CMPK1: variants seen among roughly 807,000 people sequenced by gnomAD.
The protein encoded by CMPK1 is cytidine/uridine monophosphate kinase 1.
Under a neutral mutation model 25.7 loss-of-function variants are expected in CMPK1, and 10 were observed. The observed-to-expected ratio is 0.39, with a 90% CI of 0.24 to 0.66. The LOEUF is 0.66. Among genes scored for constraint, CMPK1 ranks in the 30% least tolerant of loss-of-function variants. The pLI is 0.48. For missense variants in CMPK1, 199 were observed against 280.5 expected, an observed-to-expected ratio of 0.71 and a Z score of 2.08; for synonymous variants, 106 against 101.5, an observed-to-expected ratio of 1.04 and a Z score of -0.27.
At chr1:47,368,904 TG>T (rs546057839) in intron 2 of CMPK1, among the ~76,000 whole-genome samples, 139 of 152,252 alleles carry the variant, frequency 9.1e-4, no homozygotes, top group African/African-American at 3.3e-3. Flanking sequence ...AAGTCCAGCC[TG>T]GGAAACATAG....
At chr1:47,348,242 C>T (rs536812121) in intron 1 of CMPK1, among the ~76,000 whole-genome samples, 1 of 152,138 alleles carries the variant, frequency 6.6e-6, no homozygotes, top group South Asian at 2.1e-4. Context: ...AGAGACAGCA[C>T]ATATATTTTG....
chr1:47,350,905 C>G (rs1220719165), intron 1 of CMPK1, among the ~76,000 whole-genome samples: 1 of 126,420 alleles, frequency 7.9e-6, no homozygotes, highest in Non-Finnish European at 1.7e-5. Flanking sequence ...GAGACTGTCT[C>G]AAAAAAAAAA....
Position 47,333,908 on chromosome 1 carries a change from G to A in CMPK1, c.-38G>A, listed in dbSNP as rs769369799. The A allele has an allele frequency of 1.4e-5, 17 of 1,216,078 alleles. No individual in the cohort carries two copies. In the East Asian group the frequency reaches 3.8e-4, roughly 27 times the overall value. The allele number at this position is 1,216,078 out of a possible 1,614,324, so 75.3% of individuals were successfully genotyped here. A position where few individuals can be genotyped will look rare whatever the true frequency, so the allele number is the denominator to read the frequency against. ...CGCCCCGCCCCGCGCCGCGCCGGCC[G>A]CTGTCAGCTCCCTCAGCGTCCGGCC... is the stretch of plus-strand genomic sequence containing the variant. On this transcript the variant is annotated 5_prime_UTR_variant, in exon 1 of 6. Coordinates refer to ENST00000371873, the MANE Select transcript of CMPK1 (RefSeq NM_016308.3).
At chr1:47,348,319 T>G (rs1288054556) in intron 1 of CMPK1, among the ~76,000 whole-genome samples, 1 of 152,194 alleles carries the variant, frequency 6.6e-6, no homozygotes, top group East Asian at 1.9e-4. Flanking sequence ...AGCTAATACT[T>G]TTAGCCCAAT....
At chr1:47,349,532 C>A (rs1557805089) in intron 1 of CMPK1, among the ~76,000 whole-genome samples, 1 of 152,112 alleles carries the variant, frequency 6.6e-6, no homozygotes, top group Non-Finnish European at 1.5e-5. Flanking sequence ...AATATGTGTG[C>A]CTTCTTTGCT....
rs370038020 is a variant in CMPK1, at chr1:47,343,531, A to C, written c.171+9415A>C. 2.1e-3 allele frequency among the ~76,000 whole-genome samples: 314 copies of C among 149,620 alleles called. 1 individual carries two copies. The highest frequency in any genetic ancestry group is 7.4e-3 in the African/African-American group (302 of 40,746). ...TCAAAAAAAAAAAAGTCTCAAAAAA[A>C]CCCACAAAACTTCCCTGTACTTGTC... On this transcript the variant is annotated intron_variant, in intron 1 of 5. Coordinates refer to ENST00000371873, the MANE Select transcript of CMPK1 (RefSeq NM_016308.3).
At chr1:47,353,880 C>G (rs1646538856) in intron 1 of CMPK1, among the ~76,000 whole-genome samples, 1 of 152,136 alleles carries the variant, frequency 6.6e-6, no homozygotes, top group Non-Finnish European at 1.5e-5. Flanking sequence ...CCATGCCTGG[C>G]TAATTTTTGT....
In CMPK1 at chr1:47,377,010, A is replaced by G. The variant is rs1646712614; in HGVS notation, c.*265A>G. The G allele has an allele frequency of 7.1e-6, 2 of 281,816 alleles. No homozygotes were observed. Among genetic ancestry groups the G allele is most frequent in the East Asian group, 6.1e-5 (1 of 16,390 alleles). 17.5% of individuals were successfully genotyped at this position (281,816 alleles called of 1,614,324 possible). On this transcript the variant is annotated 3_prime_UTR_variant, in exon 6 of 6. Coordinates refer to ENST00000371873, the MANE Select transcript of CMPK1 (RefSeq NM_016308.3). ...ATTTTTTTTAAAATTCAAAAAGAAT[A>G]TCCCTTTTATAGTTTGTGCCTTCTG... is the stretch of plus-strand genomic sequence containing the variant.
chr1:47,346,106 G>C (rs772850953), intron 1 of CMPK1, among the ~76,000 whole-genome samples: 24 of 150,142 alleles, frequency 1.6e-4, no homozygotes, highest in Non-Finnish European at 3.3e-4. Context: ...CTGGAGTGCA[G>C]TGGCTCCATC....
At chr1:47,368,347 C>A in intron 1 of CMPK1, 122 bp from the exon 2 acceptor site, 1 of 744,036 alleles carries the variant, frequency 1.3e-6, no homozygotes, top group Admixed American at 3.8e-5. Context: ...ATTTAATATA[C>A]AAGCAAAACT....
At chr1:47,362,288 G>A (rs1236643493) in intron 1 of CMPK1, among the ~76,000 whole-genome samples, 1 of 150,606 alleles carries the variant, frequency 6.6e-6, no homozygotes, top group Non-Finnish European at 1.5e-5. Context: ...TCCTGCCTCA[G>A]CCTCCCCAGT....
At chr1:47,370,993 G>A (rs1444006554) in intron 2 of CMPK1, among the ~76,000 whole-genome samples, 1 of 146,138 alleles carries the variant, frequency 6.8e-6, no homozygotes, top group Admixed American at 7.1e-5. Flanking sequence ...TGTCACATCT[G>A]AAAAACAGAC....
At chr1:47,341,805 A>G (rs1646443367) in intron 1 of CMPK1, among the ~76,000 whole-genome samples, 1 of 151,362 alleles carries the variant, frequency 6.6e-6, no homozygotes, top group African/African-American at 2.4e-5. Context: ...TAGTATTTTT[A>G]GTAGAGACAG....
In CMPK1 at chr1:47,334,027, T is replaced by A. The variant is rs770959018; in HGVS notation, c.82T>A (p.Cys28Ser). 1 of 1,555,492 alleles carries A rather than the reference T, an allele frequency of 6.4e-7. No individual in the cohort carries two copies. The highest frequency in any genetic ancestry group is 8.7e-7 in the Non-Finnish European group (1 of 1,151,054). ...LLQTRRPILL[C>S]SPRLMKPLVV... ...GCAGACCCGCCGGCCGATTCTCCTC[T>A]GCTCTCCACGTCTCATGAAGCCGCT... The change falls in exon 1 of 6, where the codon TGC (cysteine) becomes AGC (serine). Residue 28 changes from cysteine to serine, a missense_variant. By Grantham distance (112) the Cys-to-Ser change is moderately radical (BLOSUM62 -1). Around this residue, in one of 2 missense-constraint regions of CMPK1, gnomAD observed 59 missense variants for 45.1 expected, o/e 1.31. Coordinates refer to ENST00000371873, the MANE Select transcript of CMPK1 (RefSeq NM_016308.3).
intron 1 of CMPK1, among the ~76,000 whole-genome samples, chr1:47,336,138 G>GAAAT (rs61064131): frequency 0.032 from 4,759 of 150,484 alleles, 251 homozygotes; most frequent in African/African-American, 0.1. Flanking sequence ...CTCCGTCTCA[G>GAAAT]AAATAAATAA....
intron 1 of CMPK1, among the ~76,000 whole-genome samples, chr1:47,367,258 C>A (rs1436357116): frequency 6.6e-6 from 1 of 152,176 alleles, no homozygotes; most frequent in African/African-American, 2.4e-5. Flanking sequence ...ACTTTATACT[C>A]AATTATAGTC....
intron 1 of CMPK1, among the ~76,000 whole-genome samples, chr1:47,357,338 T>C (rs2149330285): frequency 6.6e-6 from 1 of 152,268 alleles, no homozygotes; most frequent in East Asian, 1.9e-4. Context: ...ATATAATTCT[T>C]ACACATTTAG....
At chr1:47,350,690 C>G (rs1243344428) in intron 1 of CMPK1, among the ~76,000 whole-genome samples, 1 of 151,824 alleles carries the variant, frequency 6.6e-6, no homozygotes, top group South Asian at 2.1e-4. Flanking sequence ...GTCAGGAGTT[C>G]GAGACCAGCC....
chr1:47,339,603 G>A (rs74077235), intron 1 of CMPK1, among the ~76,000 whole-genome samples: 7,571 of 151,564 alleles, frequency 0.05, 603 homozygotes, highest in African/African-American at 0.17. Context: ...TTAAAAATTC[G>A]ATCCCCAGAG....
Sources: allele counts gnomAD v4.1 joint callset (sites outside exome capture counted in the v4.1 genomes callset), GRCh38; gene constraint gnomAD v4.1.1; regional missense constraint gnomAD v4.1.1; transcripts MANE v1.5; gene names NCBI Gene and HGNC (gene_info 2026-07-23, HGNC 2026-07-21).